The following ROBO2 variants were observed in gnomAD, a reference collection of about 807,000 sequenced individuals.
ROBO2 encodes roundabout guidance receptor 2.
Under a neutral mutation model 160.8 loss-of-function variants are expected in ROBO2, and 53 were observed. The ratio of observed to expected loss-of-function variants is 0.33; its 90% CI spans 0.26 to 0.41. ROBO2 has a LOEUF of 0.41. Ranked by LOEUF, ROBO2 falls within the 10% of genes least tolerant of loss-of-function variation. The pLI is 1.00. For synonymous variants in ROBO2, 664 were observed against 611.7 expected (o/e 1.09, Z -1.26); for missense variants, 1,577 against 1,722.4 (o/e 0.92, Z 1.49).
intron 2 of ROBO2, among the ~76,000 whole-genome samples, chr3:76,203,450 G>A (rs1245120605): frequency 7.2e-6 from 1 of 138,646 alleles, no homozygotes; most frequent in Non-Finnish European, 1.6e-5. Flanking sequence ...TTCTCACCAT[G>A]AGATTCTCAG....
chr3:75,960,945 A>G (rs1412622638), intron 2 of ROBO2, among the ~76,000 whole-genome samples: 3 of 151,744 alleles, frequency 2.0e-5, no homozygotes, highest in African/African-American at 4.8e-5. Flanking sequence ...TATCATTGAC[A>G]AAATTATTAT....
chr3:77,645,420 CT>C (rs975652636), intron 25 of ROBO2, among the ~76,000 whole-genome samples: 3 of 152,054 alleles, frequency 2.0e-5, no homozygotes, highest in African/African-American at 4.8e-5. Flanking sequence ...TGAATGAAAA[CT>C]GGCATAGGTA....
At chr3:76,074,329 G>A (rs1242426381) in intron 2 of ROBO2, among the ~76,000 whole-genome samples, 1 of 152,208 alleles carries the variant, frequency 6.6e-6, no homozygotes, top group African/African-American at 2.4e-5. Flanking sequence ...CTGCTTCAAT[G>A]AGAAAGGAAA....
chr3:76,080,851 A>G (rs2068803438), intron 2 of ROBO2, among the ~76,000 whole-genome samples: 1 of 152,172 alleles, frequency 6.6e-6, no homozygotes, highest in East Asian at 1.9e-4. Context: ...CAATTACCAT[A>G]TTTAAAGCAT....
chr3:76,997,870 G>T (rs2061109913), intron 2 of ROBO2, among the ~76,000 whole-genome samples: 1 of 152,118 alleles, frequency 6.6e-6, no homozygotes, highest in South Asian at 2.1e-4. Flanking sequence ...GCTGGGAAAT[G>T]GCCCAAAATG....
rs1039359184 is a variant in ROBO2 at position 77,482,874 on chromosome 3, G to T, written c.667+1655G>T. 7.9e-5 allele frequency among the ~76,000 whole-genome samples: 12 copies of T among 151,888 alleles called. No individual in the cohort carries two copies. The South Asian group carries it at 2.1e-3, about 26-fold the overall frequency. ...CTCTGGAATAGAAAGAAAAAAAAAA[G>T]CTATATTACTGCAGTATAGACTGCC... On this transcript the variant is annotated intron_variant, in intron 4 of 25. Coordinates refer to ENST00000461745, the Ensembl canonical transcript of ROBO2.
chr3:76,661,749 G>A (rs947654090), intron 2 of ROBO2, among the ~76,000 whole-genome samples: 3 of 152,110 alleles, frequency 2.0e-5, no homozygotes, highest in African/African-American at 4.8e-5. Flanking sequence ...CAGGAAGCAG[G>A]CTTCAGAGGC....
chr3:77,198,610 T>C (rs2082524656), intron 2 of ROBO2, among the ~76,000 whole-genome samples: 1 of 152,134 alleles, frequency 6.6e-6, no homozygotes, highest in Admixed American at 6.5e-5. Flanking sequence ...AGAAAGACAT[T>C]TTATTTACGG....
intron 2 of ROBO2, among the ~76,000 whole-genome samples, chr3:76,023,989 A>G (rs1031759402): frequency 1.3e-5 from 2 of 151,474 alleles, no homozygotes; most frequent in Non-Finnish European, 3.0e-5. Context: ...ATTGCTTCCA[A>G]TTTTATGTCT....
At chr3:77,224,716 C>T (rs1048653886) in intron 2 of ROBO2, among the ~76,000 whole-genome samples, 10 of 151,778 alleles carry the variant, frequency 6.6e-5, no homozygotes, top group Non-Finnish European at 1.3e-4. Context: ...TATTTACTAG[C>T]TTGAGGTGTC....
intron 2 of ROBO2, among the ~76,000 whole-genome samples, chr3:76,983,355 T>C (rs532783959): frequency 1.3e-5 from 2 of 152,246 alleles, no homozygotes; most frequent in South Asian, 2.1e-4. Flanking sequence ...AGTTCAACAA[T>C]TGACAAATTT....
chr3:76,058,784 TG>T (rs1305889489), intron 2 of ROBO2, among the ~76,000 whole-genome samples: 1 of 137,496 alleles, frequency 7.3e-6, no homozygotes, highest in African/African-American at 2.8e-5. Flanking sequence ...TATCTCCTAA[TG>T]CTATCCCTCC....
At chr3:76,712,152 A>G (rs974609841) in intron 2 of ROBO2, among the ~76,000 whole-genome samples, 1 of 152,166 alleles carries the variant, frequency 6.6e-6, no homozygotes, top group Admixed American at 6.5e-5. Flanking sequence ...AAAATCTAAC[A>G]CATTTTAAAA....
intron 2 of ROBO2, among the ~76,000 whole-genome samples, chr3:77,127,843 T>G (rs2075483430): frequency 6.6e-6 from 1 of 152,152 alleles, no homozygotes; most frequent in Non-Finnish European, 1.5e-5. Flanking sequence ...AGAGGTTGTG[T>G]GTTGAGGTGA....
chr3:76,397,955 C>T (rs947891977), intron 2 of ROBO2, among the ~76,000 whole-genome samples: 4 of 152,068 alleles, frequency 2.6e-5, no homozygotes, highest in African/African-American at 7.3e-5. Context: ...TACCATTTGA[C>T]CCAGCCATCC....
intron 23 of ROBO2, among the ~76,000 whole-genome samples, chr3:77,626,751 G>C (rs1403147891): frequency 6.6e-6 from 1 of 152,184 alleles, no homozygotes; most frequent in African/African-American, 2.4e-5. Context: ...ATCACAAAAA[G>C]GAAGACTGAG....
chr3:77,139,353 T>A (rs2076525872), intron 2 of ROBO2, among the ~76,000 whole-genome samples: 1 of 152,210 alleles, frequency 6.6e-6, no homozygotes, highest in Non-Finnish European at 1.5e-5. Flanking sequence ...ATTCCATTAA[T>A]ACACTCCATT....
At chr3:76,208,417 C>A (rs1355784437) in intron 2 of ROBO2, among the ~76,000 whole-genome samples, 1 of 152,066 alleles carries the variant, frequency 6.6e-6, no homozygotes, top group African/African-American at 2.4e-5. Context: ...GTAACTTATT[C>A]TTTTAGTGTT....
intron 2 of ROBO2, among the ~76,000 whole-genome samples, chr3:77,310,853 G>GA (rs66511015): frequency 0.042 from 6,188 of 146,250 alleles, 316 homozygotes; most frequent in African/African-American, 0.13. Flanking sequence ...AGCTTTAAGT[G>GA]AAAAAAAAAA....
Sources: gnomAD v4.1 joint callset for allele counts (sites outside exome capture counted in the v4.1 genomes callset) on GRCh38, gnomAD v4.1.1 for gene constraint, MANE v1.5 for transcripts, NCBI Gene and HGNC (gene_info 2026-07-23, HGNC 2026-07-21) for gene names.